NOS1: variants seen among roughly 807,000 people sequenced by gnomAD.
NOS1 encodes the protein NOS type I.
In NOS1, 51 loss-of-function variants were observed where a neutral mutation model predicts 164.5. That is an observed-to-expected ratio of 0.31 (90% CI 0.25 to 0.39). The LOEUF is 0.39. Ranked by LOEUF, NOS1 falls within the 10% of genes least tolerant of loss-of-function variation. NOS1 has a pLI of 1.00. For synonymous variants in NOS1, 719 were observed against 745.8 expected (o/e 0.96, Z 0.59); for missense variants, 1,362 against 1,885.6 (o/e 0.72, Z 5.14).
intron 5 of NOS1, 46 bp downstream of exon 5, chr12:117,288,028 C>T: frequency 6.2e-7 from 1 of 1,608,968 alleles, no homozygotes. Flanking sequence ...TTCTCTCCAG[C>T]ATTCGATAAC....
chr12:117,296,458 A>C (rs897846075), intron 3 of NOS1, among the ~76,000 whole-genome samples: 1 of 152,190 alleles, frequency 6.6e-6, no homozygotes, highest in East Asian at 1.9e-4. Context: ...AAGCACCAGA[A>C]GAACATAAAA....
rs1408800002 is a variant in NOS1, at chr12:117,286,524, C to T, written c.1128-258G>A. ...CAAGTGAGCCAGGCCTTGTCCAAAG[C>T]GGGCAGCCACGGCTCCACTCCTGTC... On this transcript the variant is annotated intron_variant, in intron 5 of 28. Transcript: ENST00000317775. 4.6e-5 allele frequency among the ~76,000 whole-genome samples: 7 copies of T among 152,212 alleles called. 1 individual carries two copies. In the East Asian group the frequency reaches 1.4e-3, roughly 29 times the overall value.
rs1035954276 is a variant in NOS1 at position 117,211,505 on chromosome 12, C to T, written c.*3804G>A. ...TTTTGAAAAACATTCTTAGGGACTC[C>T]CTGTTGCCTTCTGAATAAAGCCTAA... On this transcript the variant is annotated 3_prime_UTR_variant, in exon 29 of 29. Coordinates refer to ENST00000317775, the MANE Select transcript of NOS1 (RefSeq NM_000620.5). 99 of 984,222 alleles carry T rather than the reference C, an allele frequency of 1.0e-4. No homozygotes were observed. Among genetic ancestry groups the T allele is most frequent in the Non-Finnish European group, 1.1e-4 (95 of 828,994 alleles). 61.0% of individuals were successfully genotyped at this position (984,222 alleles called of 1,614,324 possible).
At chr12:117,325,459 TGTA>T (rs1397039984) in intron 2 of NOS1, among the ~76,000 whole-genome samples, 1 of 152,006 alleles carries the variant, frequency 6.6e-6, no homozygotes, top group African/African-American at 2.4e-5. Context: ...CTCCTGGCAT[TGTA>T]GTAGTAGGGA....
intron 3 of NOS1, among the ~76,000 whole-genome samples, chr12:117,303,941 G>A (rs1180283053): frequency 6.6e-6 from 1 of 152,192 alleles, no homozygotes; most frequent in Non-Finnish European, 1.5e-5. Context: ...GGGAGGCTGA[G>A]GCGGGTGGAT....
In NOS1 at chr12:117,280,883, G is replaced by T. The variant is rs1451806891; in HGVS notation, c.1383-17C>A. 3 of 1,612,114 alleles carry T rather than the reference G, an allele frequency of 1.9e-6. No individual in the cohort carries two copies. The highest frequency in any genetic ancestry group is 2.5e-6 in the Non-Finnish European group (3 of 1,178,802). On this transcript the variant is annotated splice_polypyrimidine_tract_variant and intron_variant, in intron 7 of 28. Transcript: ENST00000317775. ...ATGGCAGACCTGTGGTGGAGAGAGGGGAACACCCGGCATCAGGGCGGGACT... is the reference window on the plus strand; with the variant it reads ...ATGGCAGACCTGTGGTGGAGAGAGGTGAACACCCGGCATCAGGGCGGGACT...
chr12:117,288,393 AG>A (rs1872846804), intron 4 of NOS1, among the ~76,000 whole-genome samples, 174 bp from the exon 5 acceptor site: 1 of 152,190 alleles, frequency 6.6e-6, no homozygotes, highest in Non-Finnish European at 1.5e-5. Context: ...AGTCATGTTA[AG>A]GAACAATAAG....
At chr12:117,286,331 G>A in intron 5 of NOS1, 65 bp from the exon 6 acceptor site, 2 of 1,558,170 alleles carry the variant, frequency 1.3e-6, no homozygotes, top group Non-Finnish European at 1.8e-6. Context: ...TAGTGGAAGG[G>A]GAGAGCTATT....
At chr12:117,315,835 A>G (rs1171007086) in intron 2 of NOS1, among the ~76,000 whole-genome samples, 1 of 152,222 alleles carries the variant, frequency 6.6e-6, no homozygotes, top group Admixed American at 6.5e-5. Flanking sequence ...AGGGAGGTAA[A>G]GCTTATAATA....
chr12:117,266,899 G>T (rs1592968667), intron 11 of NOS1, among the ~76,000 whole-genome samples: 1 of 152,228 alleles, frequency 6.6e-6, no homozygotes, highest in Non-Finnish European at 1.5e-5. Flanking sequence ...CTTCATACCA[G>T]TCCATCAGGC....
chr12:117,338,336 G>A (rs1023550153), intron 1 of NOS1, among the ~76,000 whole-genome samples: 1 of 152,018 alleles, frequency 6.6e-6, no homozygotes, highest in African/African-American at 2.4e-5. Context: ...GGGAGGTTGA[G>A]GCTACCGTGA....
chr12:117,354,109 A>C lies in NOS1; in HGVS notation c.-421+7403T>G, dbSNP rs1311538291. Among the ~76,000 whole-genome samples, 4 of 152,304 alleles carry C rather than the reference A, an allele frequency of 2.6e-5. No homozygotes were observed. The East Asian group carries it at 7.7e-4, about 29-fold the overall frequency. ...ATCCTCAAAAGCCCAATAAGATATC[A>C]CTAGTAGGGAGATTCAGAAAGAGAT... is the stretch of plus-strand genomic sequence containing the variant. On this transcript the variant is annotated intron_variant, in intron 1 of 28. Transcript: ENST00000317775.
chr12:117,248,330 A>G (rs966101013), intron 17 of NOS1, among the ~76,000 whole-genome samples: 16 of 151,568 alleles, frequency 1.1e-4, no homozygotes, highest in Non-Finnish European at 2.1e-4. Flanking sequence ...ATATCTCCCA[A>G]TGCTATCCCT....
At chr12:117,220,304 G>C (rs1319697791) in intron 26 of NOS1, 35 bp from the exon 27 acceptor site, 4 of 1,559,978 alleles carry the variant, frequency 2.6e-6, no homozygotes, top group Admixed American at 3.6e-5. Flanking sequence ...AAGGGGCTGG[G>C]CTGTGCAACG....
chr12:117,248,904 C>T (rs576492324), intron 17 of NOS1, among the ~76,000 whole-genome samples: 63 of 152,170 alleles, frequency 4.1e-4, no homozygotes, highest in Admixed American at 9.2e-4. Context: ...TGGTGTGAGA[C>T]GGTATCTCAT....
chr12:117,313,538 C>G (rs1205832120), intron 2 of NOS1, among the ~76,000 whole-genome samples: 1 of 152,164 alleles, frequency 6.6e-6, no homozygotes, highest in Admixed American at 6.5e-5. Flanking sequence ...TCAAGTGATC[C>G]TCTTGCCTCG....
rs1481238111 is a variant in NOS1 at position 117,290,280 on chromosome 12, C to A, written c.981+18G>T. On this transcript the variant is annotated intron_variant, in intron 4 of 28. Coordinates refer to ENST00000317775, the MANE Select transcript of NOS1 (RefSeq NM_000620.5). ...TGAAGCTGCCACCCTCTCATCTACA[C>A]CCTGCTGGGATACTTACCAATGTGC... 1.9e-6 allele frequency: 3 copies of A among 1,613,366 alleles called. No individual in the cohort carries two copies. Among genetic ancestry groups the A allele is most frequent in the African/African-American group, 1.3e-5 (1 of 74,920 alleles).
intron 25 of NOS1, among the ~76,000 whole-genome samples, chr12:117,223,433 T>C (rs1365580213): frequency 6.6e-6 from 1 of 150,986 alleles, no homozygotes; most frequent in African/African-American, 2.4e-5. Flanking sequence ...GGCTAATTTT[T>C]GTATTTTTAG....
intron 3 of NOS1, among the ~76,000 whole-genome samples, chr12:117,296,881 G>A (rs1873452186): frequency 6.6e-6 from 1 of 152,172 alleles, no homozygotes; most frequent in Non-Finnish European, 1.5e-5. Context: ...TGCCATGTGA[G>A]GACACAGAGA....
Sources: allele counts gnomAD v4.1 joint callset (sites outside exome capture counted in the v4.1 genomes callset), GRCh38; gene constraint gnomAD v4.1.1; transcripts MANE v1.5; gene names NCBI Gene and HGNC (gene_info 2026-07-23, HGNC 2026-07-21).